Variants in TNIP3 observed in about 807,000 individuals in gnomAD.
The protein encoded by TNIP3 is TNFAIP3-interacting protein 3.
A neutral mutation model predicts 54.1 loss-of-function variants in TNIP3; 34 were observed. The ratio of observed to expected loss-of-function variants is 0.63; its 90% CI spans 0.48 to 0.84. TNIP3 has a LOEUF of 0.84. Among genes scored for constraint, TNIP3 ranks in the 40% least tolerant of loss-of-function variants. The pLI, the probability that TNIP3 is intolerant of heterozygous loss-of-function variation, is 0.00. For missense variants in TNIP3, 366 were observed against 387.6 expected (o/e 0.94, Z 0.47); for synonymous variants, 134 against 136.8 (o/e 0.98, Z 0.14).
chr4:121,161,200 G>A lies in TNIP3; in HGVS notation c.83C>T (p.Thr28Ile). 6.3e-7 allele frequency: 1 copy of A among 1,582,254 alleles called. No homozygotes were observed. The highest frequency in any genetic ancestry group is 1.4e-5 in the African/African-American group (1 of 74,024). Residue 28 changes from threonine (T) to isoleucine (I), a missense_variant, in exon 2 of 11, where the codon ACA (threonine) becomes ATA (isoleucine). Thr to Ile is a moderately conservative substitution (Grantham distance 89). Transcript: ENST00000057513. ...TEHKECAEPS[T>I]RKNLMNSLEQ... Reference sequence around the variant, plus strand: ...AAGAGAATTCATCAAGTTCTTTCTTGTTGATGGTTCAGCACACTTAGAAAA... The same window carrying A: ...AAGAGAATTCATCAAGTTCTTTCTTATTGATGGTTCAGCACACTTAGAAAA...
At chr4:121,161,392 A>G (rs759600460) in intron 1 of TNIP3, among the ~76,000 whole-genome samples, 176 bp from the exon 2 acceptor site, 17 of 152,202 alleles carry the variant, frequency 1.1e-4, no homozygotes, top group Non-Finnish European at 1.2e-4. Context: ...CTGGTGGATG[A>G]GTCAGCTTCA....
At chr4:121,139,817 A>G (rs760035348) in intron 9 of TNIP3, among the ~76,000 whole-genome samples, 3 of 152,212 alleles carry the variant, frequency 2.0e-5, no homozygotes, top group Admixed American at 6.5e-5. Flanking sequence ...GATGTCTCAA[A>G]TAACACATAG....
At chr4:121,202,200 T>C (rs1160708025) in intron 2 of TNIP3, among the ~76,000 whole-genome samples, 1 of 152,124 alleles carries the variant, frequency 6.6e-6, no homozygotes, top group Non-Finnish European at 1.5e-5. Flanking sequence ...AGCATGGTAC[T>C]GGTATAAAAA....
intron 10 of TNIP3, 87 bp from the exon 11 acceptor site, chr4:121,132,749 G>GAAAA: frequency 8.4e-7 from 1 of 1,190,632 alleles, no homozygotes; most frequent in Admixed American, 2.2e-5. Flanking sequence ...TAAAGTTCCA[G>GAAAA]GATGGCAAAA....
intron 2 of TNIP3, among the ~76,000 whole-genome samples, chr4:121,215,608 A>G (rs4455437): frequency 0.46 from 69,693 of 151,808 alleles, 18,170 homozygotes; most frequent in East Asian, 0.73. Flanking sequence ...CTATTTTTCC[A>G]TCTTTCTCCT....
At chr4:121,147,276 A>T in intron 6 of TNIP3, 102 bp from the exon 7 acceptor site, 1 of 1,394,364 alleles carries the variant, frequency 7.2e-7, no homozygotes. Context: ...TATTGTAAAG[A>T]ACCCTCCCAA....
intron 2 of TNIP3, among the ~76,000 whole-genome samples, chr4:121,204,880 A>G (rs6851067): frequency 1.3e-3 from 193 of 152,268 alleles, no homozygotes; most frequent in African/African-American, 4.5e-3. Context: ...TGTTATTGGT[A>G]TATTTGCCAA....
intron 3 of TNIP3, among the ~76,000 whole-genome samples, chr4:121,170,909 G>A (rs984069510): frequency 1.3e-5 from 2 of 151,998 alleles, no homozygotes; most frequent in African/African-American, 2.4e-5. Context: ...TCTGCCTCCC[G>A]GGTTCAAGAA....
At chr4:121,192,023 C>T (rs886094847) in intron 2 of TNIP3, among the ~76,000 whole-genome samples, 2 of 151,976 alleles carry the variant, frequency 1.3e-5, no homozygotes, top group African/African-American at 4.8e-5. Flanking sequence ...AAATGCATTA[C>T]CTTTTTGTTT....
At chr4:121,177,352 C>T (rs1052783542) in intron 3 of TNIP3, among the ~76,000 whole-genome samples, 1 of 152,186 alleles carries the variant, frequency 6.6e-6, no homozygotes, top group African/African-American at 2.4e-5. Flanking sequence ...TTCAACTCTC[C>T]CAGAATATAA....
At chr4:121,220,636 C>T (rs1377482415), upstream of TNIP3, among the ~76,000 whole-genome samples, 1 of 151,930 alleles carries the variant, frequency 6.6e-6, no homozygotes, top group African/African-American at 2.4e-5. Flanking sequence ...GGCTTATATA[C>T]ATTTTATTTA....
chr4:121,158,619 T>A (rs1425956897), intron 3 of TNIP3, 68 bp downstream of exon 3: 1 of 1,249,608 alleles, frequency 8.0e-7, no homozygotes, highest in African/African-American at 1.5e-5. Context: ...TGAATGAGAC[T>A]CTTCACACAA....
At chr4:121,213,811 A>G (rs968092415) in intron 2 of TNIP3, among the ~76,000 whole-genome samples, 1 of 152,156 alleles carries the variant, frequency 6.6e-6, no homozygotes, top group African/African-American at 2.4e-5. Context: ...AAATATTAAA[A>G]TGAGGAACTG....
Position 121,161,136 on chromosome 4 carries a change from C to T in TNIP3, c.147G>A (p.Glu49=), listed in dbSNP as rs1282142936. The part of the protein sequence containing the change: ...KIRCLEKQRK[E]LLEVNQQWDQ... ...GCTTTAGCGAATATTTCTAAGTTAC[C>T]TCTTTTCTTTGTTTTTCCAAACACC... The change falls in exon 2 of 11, where the codon GAG becomes GAA. Residue 49 remains glutamate, a splice_region_variant and synonymous_variant. Coordinates refer to ENST00000057513, the MANE Select transcript of TNIP3 (RefSeq NM_024873.6). 3 of 1,575,152 alleles carry T rather than the reference C, an allele frequency of 1.9e-6. No individual in the cohort carries two copies. Among genetic ancestry groups the T allele is most frequent in the Non-Finnish European group, 2.6e-6 (3 of 1,155,848 alleles).
intron 3 of TNIP3, among the ~76,000 whole-genome samples, chr4:121,179,770 G>T (rs1350883427): frequency 6.6e-6 from 1 of 151,688 alleles, no homozygotes; most frequent in Non-Finnish European, 1.5e-5. Context: ...GGATGATTGG[G>T]TGCCTAGTGA....
In TNIP3 at chr4:121,198,981, G is replaced by T. The variant is rs376761839; in HGVS notation, c.69-16185C>A. 3.9e-5 allele frequency among the ~76,000 whole-genome samples: 6 copies of T among 152,258 alleles called. No homozygotes were observed. The South Asian group carries it at 1.2e-3, about 32-fold the overall frequency. On this transcript the variant is annotated intron_variant, in intron 2 of 12. Coordinates refer to the TNIP3 transcript ENST00000507879. ...CCTTTAAAAGACATCTTTGAAAAGGGTATAGATCCTCTTTGATGGCCAGAG... is the reference window on the plus strand; with the variant it reads ...CCTTTAAAAGACATCTTTGAAAAGGTTATAGATCCTCTTTGATGGCCAGAG...
chr4:121,149,446 C>G (rs1056800510), intron 6 of TNIP3, among the ~76,000 whole-genome samples: 1 of 152,202 alleles, frequency 6.6e-6, no homozygotes, highest in Non-Finnish European at 1.5e-5. Flanking sequence ...TGAAAAAGTC[C>G]AGAGTTGGGA....
chr4:121,142,486 A>G (rs1729177570), intron 8 of TNIP3, among the ~76,000 whole-genome samples: 1 of 152,186 alleles, frequency 6.6e-6, no homozygotes, highest in Admixed American at 6.5e-5. Context: ...GGGTCTAAGG[A>G]GCACTAAGAC....
intron 4 of TNIP3, among the ~76,000 whole-genome samples, chr4:121,154,974 T>A (rs928305626): frequency 6.6e-6 from 1 of 151,794 alleles, no homozygotes; most frequent in Admixed American, 6.5e-5. Context: ...TCTTTTTTTT[T>A]TTTTTAAAGA....
Sources: gnomAD v4.1 joint callset for allele counts (sites outside exome capture counted in the v4.1 genomes callset) on GRCh38, gnomAD v4.1.1 for gene constraint, MANE v1.5 for transcripts, NCBI Gene and HGNC (gene_info 2026-07-23, HGNC 2026-07-21) for gene names.